Variants in HDAC4 observed in about 807,000 individuals in gnomAD.
HDAC4 encodes the protein histone deacetylase A.
HDAC4 carries 16 observed loss-of-function variants against 135.1 expected under a neutral mutation model. The observed-to-expected ratio is 0.12, with a 90% CI of 0.08 to 0.18. The LOEUF (loss-of-function observed/expected upper bound fraction) is 0.18. Ranked by LOEUF, HDAC4 falls within the 10% of genes least tolerant of loss-of-function variation. The probability of loss-of-function intolerance (pLI) is 1.00; values close to 1 mark genes in which losing one functional copy is unlikely to be tolerated. For missense variants in HDAC4, 1,143 were observed against 1,511.8 expected (o/e 0.76, Z 4.05); for synonymous variants, 685 against 653.4 (o/e 1.05, Z -0.74).
At chr2:239,238,526 G>T (rs569812758) in intron 2 of HDAC4, among the ~76,000 whole-genome samples, 1 of 152,056 alleles carries the variant, frequency 6.6e-6, no homozygotes, top group Non-Finnish European at 1.5e-5. Flanking sequence ...TCAGCTCAAC[G>T]CCCAACCTTA....
intron 1 of HDAC4, among the ~76,000 whole-genome samples, chr2:239,375,202 G>A (rs571345491): frequency 1.3e-5 from 2 of 152,342 alleles, no homozygotes; most frequent in Non-Finnish European, 2.9e-5. Context: ...AGCCACGTAG[G>A]AAGAAGTCAG....
chr2:239,305,908 C>G (rs140449841), intron 2 of HDAC4, among the ~76,000 whole-genome samples: 1 of 152,342 alleles, frequency 6.6e-6, no homozygotes, highest in African/African-American at 2.4e-5. Flanking sequence ...CTGAATCTGA[C>G]AGCATTCAAG....
rs1050780121 is a variant in HDAC4, at chr2:239,307,132, G to A, written c.22+45546C>T. Among the ~76,000 whole-genome samples, 1 of 152,030 alleles carries A rather than the reference G, an allele frequency of 6.6e-6. No homozygotes were observed. Among genetic ancestry groups the A allele is most frequent in the African/African-American group, 2.4e-5 (1 of 41,412 alleles). ...CACACCCTCCAGCTCTGTGCCTGCC[G>A]TCCATCCTGGGTGCCCACGAGGGGT... On this transcript the variant is annotated intron_variant, in intron 2 of 26. Coordinates refer to ENST00000543185, the MANE Select transcript of HDAC4 (RefSeq NM_001378414.1). This position sits in a 1 kb window ranked among gnomAD's most constrained non-coding sequence, Gnocchi z 4.8.
In HDAC4 at chr2:239,400,200, C is replaced by T. The variant is rs1398509088; in HGVS notation, c.-220+778G>A. Among the ~76,000 whole-genome samples the T allele has an allele frequency of 6.6e-6, 1 of 151,788 alleles. No individual in the cohort carries two copies. Among genetic ancestry groups the T allele is most frequent in the Non-Finnish European group, 1.5e-5 (1 of 67,886 alleles). On this transcript the variant is annotated intron_variant, in intron 1 of 26. Transcript: ENST00000543185. This position sits in a 1 kb window ranked among gnomAD's most constrained non-coding sequence, Gnocchi z 4.7. ...GCCGAGCGGGTCCCGGGCAGCCCCC[C>T]GCCCTCCCGCGACCCCCCGGGCGCT...
chr2:239,226,945 A>G (rs2047277537), intron 3 of HDAC4, among the ~76,000 whole-genome samples: 1 of 152,344 alleles, frequency 6.6e-6, no homozygotes, highest in South Asian at 2.1e-4. Context: ...TCCCTCCAAG[A>G]TTCTGCTGAA....
At chr2:239,379,441 G>T (rs1022108388) in intron 1 of HDAC4, among the ~76,000 whole-genome samples, 1 of 152,144 alleles carries the variant, frequency 6.6e-6, no homozygotes, top group Non-Finnish European at 1.5e-5. Context: ...TCTTCTGCCT[G>T]TCACCCTCCA....
rs1162604547 is a variant in HDAC4, at chr2:239,175,329, T to C, written c.490+1084A>G. On this transcript the variant is annotated intron_variant, in intron 5 of 26. Coordinates refer to ENST00000543185, the MANE Select transcript of HDAC4 (RefSeq NM_001378414.1). The stretch of plus-strand genomic sequence containing the variant: ...GCTGACTCAGCCCCACGGTGGACCC[T>C]GCACCCCGGGGACACGCCAGGGCTC... 7.2e-5 allele frequency among the ~76,000 whole-genome samples: 11 copies of C among 152,188 alleles called. No homozygotes were observed. In the East Asian group the frequency reaches 1.9e-3, roughly 27 times the overall value.
intron 13 of HDAC4, among the ~76,000 whole-genome samples, chr2:239,112,555 T>TGG (rs199910207): frequency 9.2e-5 from 14 of 151,556 alleles, no homozygotes; most frequent in African/African-American, 3.2e-4. Context: ...GCTCTGTGTG[T>TGG]GGGGGGGGCA....
intron 13 of HDAC4, 64 bp downstream of exon 13, chr2:239,114,988 GC>G: frequency 6.3e-7 from 1 of 1,587,536 alleles, no homozygotes; most frequent in Non-Finnish European, 8.6e-7. Context: ...CACAGAAGAT[GC>G]CACCTGGGGA....
intron 24 of HDAC4, among the ~76,000 whole-genome samples, chr2:239,060,291 G>T (rs1171728425): frequency 1.3e-5 from 2 of 152,164 alleles, no homozygotes; most frequent in Non-Finnish European, 2.9e-5. Context: ...TGTGTGTGTG[G>T]GTGTTGTCTC....
intron 3 of HDAC4, among the ~76,000 whole-genome samples, chr2:239,235,543 G>A (rs2047837602): frequency 6.6e-6 from 1 of 152,254 alleles, no homozygotes; most frequent in South Asian, 2.1e-4. Context: ...CAGGACGCAT[G>A]TGGAACGGAA....
intron 16 of HDAC4, among the ~76,000 whole-genome samples, chr2:239,095,680 C>T (rs1258586532): frequency 1.3e-5 from 2 of 152,198 alleles, no homozygotes; most frequent in African/African-American, 2.4e-5. Context: ...CCTCGAAACC[C>T]CCACCCCACT....
chr2:239,297,416 C>A (rs901552677), intron 2 of HDAC4, among the ~76,000 whole-genome samples: 6 of 152,354 alleles, frequency 3.9e-5, no homozygotes, highest in African/African-American at 1.2e-4. Flanking sequence ...GGACCCAGAG[C>A]TTTGCATTGC....
chr2:239,162,120 C>T (rs935909674), intron 6 of HDAC4: 2 of 456,664 alleles, frequency 4.4e-6, no homozygotes, highest in African/African-American at 2.0e-5. Context: ...ACCCCTGCTT[C>T]CCAGCAGCCC....
intron 2 of HDAC4, among the ~76,000 whole-genome samples, chr2:239,256,390 G>A (rs1321310504): frequency 2.0e-5 from 3 of 152,192 alleles, no homozygotes; most frequent in Non-Finnish European, 2.9e-5. Flanking sequence ...GAATTCTGTC[G>A]CAGGGGAAAG....
chr2:239,187,803 G>A (rs1271634675), intron 4 of HDAC4, among the ~76,000 whole-genome samples: 2 of 152,210 alleles, frequency 1.3e-5, no homozygotes, highest in Non-Finnish European at 1.5e-5. Context: ...TGGACAGGGT[G>A]CCAGTGGAGG....
chr2:239,364,485 C>T (rs1449818707), intron 1 of HDAC4, among the ~76,000 whole-genome samples: 4 of 152,172 alleles, frequency 2.6e-5, no homozygotes, highest in Non-Finnish European at 5.9e-5. Flanking sequence ...CAACACTAAT[C>T]CGAGGTGGGA....
In HDAC4 at chr2:239,282,576, AC is replaced by A. The variant is rs1472358407; in HGVS notation, c.23-45913del. 7.4e-5 allele frequency among the ~76,000 whole-genome samples: 11 copies of A among 148,904 alleles called. 1 individual carries two copies. Among genetic ancestry groups the A allele is most frequent in the African/African-American group, 2.7e-4 (11 of 40,084 alleles). On this transcript the variant is annotated intron_variant, in intron 2 of 26. Coordinates refer to ENST00000543185, the MANE Select transcript of HDAC4 (RefSeq NM_001378414.1). ...ACACCACTCTACACACAATGAACAC[AC>A]CACTCTACAATGTACACACCACTCT...
chr2:239,129,116 G>A (rs907949002), intron 11 of HDAC4, among the ~76,000 whole-genome samples: 5 of 152,074 alleles, frequency 3.3e-5, no homozygotes, highest in Admixed American at 2.0e-4. Context: ...CACTCCCCAC[G>A]GACCAGCCCC....
Sources: gnomAD v4.1 joint callset for allele counts (sites outside exome capture counted in the v4.1 genomes callset) on GRCh38, gnomAD v4.1.1 for gene constraint, Gnocchi (gnomAD v3.1) non-coding constraint, MANE v1.5 for transcripts, NCBI Gene and HGNC (gene_info 2026-07-23, HGNC 2026-07-21) for gene names.